SULT2B1: variants seen among roughly 807,000 people sequenced by gnomAD.
The protein encoded by SULT2B1 is sulfotransferase family 2B member 1.
Under a neutral mutation model 33.2 loss-of-function variants are expected in SULT2B1, and 16 were observed. The observed-to-expected ratio is 0.48, with a 90% confidence interval of 0.33 to 0.73. The LOEUF (loss-of-function observed/expected upper bound fraction) is 0.73, where lower values mean the gene tolerates loss of function less well. SULT2B1 is among the 30% of genes least tolerant of loss of function. SULT2B1 has a pLI of 0.02. For missense variants in SULT2B1, 500 were observed against 506.0 expected (o/e 0.99, Z 0.11); for synonymous variants, 186 against 200.5 (o/e 0.93, Z 0.61).
intron 2 of SULT2B1, among the ~76,000 whole-genome samples, chr19:48,579,605 CT>C (rs149157128): frequency 3.3e-4 from 26 of 79,760 alleles, no homozygotes; most frequent in Middle Eastern, 0.015. Context: ...TTCTTTCTTT[CT>C]TTTTTTTTTT....
At chr19:48,572,681 G>A (rs1450550203) in intron 1 of SULT2B1, among the ~76,000 whole-genome samples, 1 of 152,104 alleles carries the variant, frequency 6.6e-6, no homozygotes, top group African/African-American at 2.4e-5. Context: ...GGGCACTGAG[G>A]TGCCACAGGA....
chr19:48,596,684 G>A (rs1973719068), intron 5 of SULT2B1, 55 bp from the exon 6 acceptor site: 3 of 1,498,856 alleles, frequency 2.0e-6, no homozygotes, highest in South Asian at 1.3e-5. Flanking sequence ...CAGGTTCCAC[G>A]CTCCTTCCTT....
chr19:48,576,640 CTT>C lies in SULT2B1; in HGVS notation c.214+577_214+578del, dbSNP rs71335805. ...GTGCTGGTCACCACCAAATTGTATACTTTTTTTTTTTTTTTTTTTTTGGAGGT... is the reference window on the plus strand; with the variant it reads ...GTGCTGGTCACCACCAAATTGTATACTTTTTTTTTTTTTTTTTTTGGAGGT... On this transcript the variant is annotated intron_variant, in intron 2 of 6. Coordinates refer to ENST00000201586, the MANE Select transcript of SULT2B1 (RefSeq NM_177973.2). Among the ~76,000 whole-genome samples the C allele has an allele frequency of 5.5e-3, 635 of 116,436 alleles. 8 individuals carry two copies. The highest frequency in any genetic ancestry group is 0.02 in the African/African-American group (577 of 28,236). The allele number at this position is 116,436 out of a possible 152,430, so 76.4% of individuals were successfully genotyped here. A position where few individuals can be genotyped will look rare whatever the true frequency, so the allele number is the denominator to read the frequency against.
intron 2 of SULT2B1, among the ~76,000 whole-genome samples, chr19:48,582,747 G>T (rs577997426): frequency 6.6e-6 from 1 of 152,086 alleles, no homozygotes; most frequent in Non-Finnish European, 1.5e-5. Flanking sequence ...GAAGGCTGAG[G>T]CATGAGAATT....
At chr19:48,554,305 C>G (rs1164129300) in intron 1 of SULT2B1, among the ~76,000 whole-genome samples, 1 of 150,998 alleles carries the variant, frequency 6.6e-6, no homozygotes, top group African/African-American at 2.4e-5. Flanking sequence ...CCACGTACCC[C>G]CCCAGATTCG....
intron 5 of SULT2B1, chr19:48,595,956 AC>A (rs1973707701): frequency 1.3e-5 from 2 of 152,558 alleles, no homozygotes; most frequent in Non-Finnish European, 2.9e-5. Context: ...CACCTGCCCC[AC>A]ATCTGTGCTT....
chr19:48,577,350 G>GTTTTTT (rs1568408872), intron 2 of SULT2B1, among the ~76,000 whole-genome samples: 6 of 42,710 alleles, frequency 1.4e-4, no homozygotes, highest in Admixed American at 5.1e-4. Flanking sequence ...CCACTGAGCC[G>GTTTTTT]TCTTTTTTTT....
At chr19:48,581,792 A>G (rs1973492312) in intron 2 of SULT2B1, among the ~76,000 whole-genome samples, 1 of 151,160 alleles carries the variant, frequency 6.6e-6, no homozygotes, top group Admixed American at 6.6e-5. Context: ...CAGATCCTTG[A>G]TCAGATACTT....
chr19:48,572,437 C>G (rs12977025), intron 1 of SULT2B1, among the ~76,000 whole-genome samples: 79,883 of 151,682 alleles, frequency 0.53, 22,481 homozygotes, highest in South Asian at 0.67. Context: ...AGCTTGAACC[C>G]AGGAAGGCGG....
chr19:48,580,839 C>T (rs1319711314), intron 2 of SULT2B1, among the ~76,000 whole-genome samples: 1 of 151,548 alleles, frequency 6.6e-6, no homozygotes, highest in Admixed American at 6.6e-5. Flanking sequence ...TGGGCTCAAG[C>T]GATCTTCCTG....
chr19:48,579,447 T>A (rs1370561958), intron 2 of SULT2B1, among the ~76,000 whole-genome samples: 1 of 151,210 alleles, frequency 6.6e-6, no homozygotes, highest in Non-Finnish European at 1.5e-5. Context: ...CATACCCAGC[T>A]AATTTTTTGT....
intron 3 of SULT2B1, 199 bp from the exon 4 acceptor site, chr19:48,591,410 G>A (rs1973640922): frequency 2.2e-6 from 1 of 453,340 alleles, no homozygotes; most frequent in Non-Finnish European, 3.8e-6. Flanking sequence ...GGCAGAGGTT[G>A]CAATGAGCTG....
Position 48,596,613 on chromosome 19 carries a change from CTG to C in SULT2B1, c.646-125_646-124del, listed in dbSNP as rs1973718160. ...ACCCCTCAGTTTGGAGTTGGGGAAA[CTG>C]AGGCAAAGAGGCAGCGTCCCTCAGG... On this transcript the variant is annotated intron_variant, in intron 5 of 6. Coordinates refer to ENST00000201586, the MANE Select transcript of SULT2B1 (RefSeq NM_177973.2). 23 of 1,033,864 alleles carry C rather than the reference CTG, an allele frequency of 2.2e-5. No individual in the cohort carries two copies. The South Asian group carries it at 3.8e-4, about 17-fold the overall frequency. The allele number at this position is 1,033,864 out of a possible 1,614,324, so 64.0% of individuals were successfully genotyped here. A position where few individuals can be genotyped will look rare whatever the true frequency, so the allele number is the denominator to read the frequency against.
intron 6 of SULT2B1, among the ~76,000 whole-genome samples, chr19:48,598,285 C>A (rs1973748286): frequency 6.6e-6 from 1 of 152,080 alleles, no homozygotes; most frequent in Admixed American, 6.5e-5. Context: ...CTGTGATAGC[C>A]CCACAATGAG....
intron 1 of SULT2B1, among the ~76,000 whole-genome samples, chr19:48,554,326 C>T (rs886133878): frequency 6.6e-6 from 1 of 150,830 alleles, no homozygotes; most frequent in Non-Finnish European, 1.5e-5. Flanking sequence ...CACCTCCTCC[C>T]AGGTTGCCCA....
chr19:48,578,074 G>A (rs1368887939), intron 2 of SULT2B1, among the ~76,000 whole-genome samples: 6 of 151,808 alleles, frequency 4.0e-5, no homozygotes, highest in Admixed American at 2.0e-4. Context: ...TTAGCCAGGC[G>A]TGGTGGTGTG....
chr19:48,556,689 A>C (rs1471265657), intron 1 of SULT2B1, among the ~76,000 whole-genome samples: 2 of 151,780 alleles, frequency 1.3e-5, no homozygotes, highest in African/African-American at 4.8e-5. Flanking sequence ...AGTGGCTCAC[A>C]CCTGTAATCC....
chr19:48,596,701 G>A lies in SULT2B1; in HGVS notation c.646-38G>A, dbSNP rs1051549233. ...GGTTCCACGCTCCTTCCTTGGCCGA[G>A]TGCCCTCCCTCCGCTGACCCCTCTC... is the stretch of plus-strand genomic sequence containing the variant. On this transcript the variant is annotated intron_variant, in intron 5 of 6. Coordinates refer to ENST00000201586, the MANE Select transcript of SULT2B1 (RefSeq NM_177973.2). 3.9e-6 allele frequency: 6 copies of A among 1,544,042 alleles called. No homozygotes were observed. In the African/African-American group the frequency reaches 5.4e-5, roughly 14 times the overall value.
chr19:48,557,546 A>AAC (rs1973115534), intron 1 of SULT2B1, among the ~76,000 whole-genome samples: 1 of 151,280 alleles, frequency 6.6e-6, no homozygotes, highest in African/African-American at 2.4e-5. Context: ...TCTCAAAAAA[A>AAC]GAAAAAAGAA....
Sources: gnomAD v4.1 joint callset for allele counts (sites outside exome capture counted in the v4.1 genomes callset) on GRCh38, gnomAD v4.1.1 for gene constraint, MANE v1.5 for transcripts, NCBI Gene and HGNC (gene_info 2026-07-23, HGNC 2026-07-21) for gene names.